CSMD1: variants seen among roughly 807,000 people sequenced by gnomAD.
CSMD1 encodes CUB and Sushi multiple domains 1, also known as CUB and sushi domain-containing protein 1.
In CSMD1, 213 loss-of-function variants were observed where a neutral mutation model predicts 417.5. The ratio of observed to expected loss-of-function variants is 0.51; its 90% CI spans 0.46 to 0.57. The LOEUF is 0.57. Ranked by LOEUF, CSMD1 falls within the 20% of genes least tolerant of loss-of-function variation. The pLI is 0.00. For missense variants in CSMD1, 6,923 were observed against 4,529.7 expected (o/e 1.53, Z -15.17); for synonymous variants, 2,862 against 1,736.8 (o/e 1.65, Z -16.11).
chr8:3,502,771 T>C lies in CSMD1; in HGVS notation c.1345-9045A>G, dbSNP rs61196411. On this transcript the variant is annotated intron_variant, in intron 10 of 69. Transcript: ENST00000635120. ...GGACAGTGAAACTCTCTGTGTGATGTTATAATGGTGGACACTGACTTTATA... is the reference window on the plus strand; with the variant it reads ...GGACAGTGAAACTCTCTGTGTGATGCTATAATGGTGGACACTGACTTTATA... 8.1e-3 allele frequency among the ~76,000 whole-genome samples: 1,228 copies of C among 152,234 alleles called. 22 individuals are homozygous for C. Among genetic ancestry groups the C allele is most frequent in the African/African-American group, 0.028 (1,184 of 41,546 alleles).
intron 4 of CSMD1, among the ~76,000 whole-genome samples, chr8:4,027,358 G>C (rs983849399): frequency 6.6e-6 from 1 of 152,156 alleles, no homozygotes; most frequent in Admixed American, 6.5e-5. Context: ...ATTTCACCTT[G>C]AATTGTAACC....
chr8:4,588,154 A>C (rs573434134), intron 2 of CSMD1, among the ~76,000 whole-genome samples: 1 of 152,134 alleles, frequency 6.6e-6, no homozygotes, highest in African/African-American at 2.4e-5. Flanking sequence ...CTTATTTTAA[A>C]TGGCTAGTAA....
intron 5 of CSMD1, among the ~76,000 whole-genome samples, chr8:3,988,550 A>G (rs1175000823): frequency 6.6e-6 from 1 of 152,224 alleles, no homozygotes; most frequent in Non-Finnish European, 1.5e-5. Flanking sequence ...CTCACTCCAG[A>G]ACTGCTAGAT....
chr8:3,721,794 T>C (rs74838425), intron 6 of CSMD1, among the ~76,000 whole-genome samples: 8,503 of 152,222 alleles, frequency 0.056, 538 homozygotes, highest in African/African-American at 0.16. Flanking sequence ...GAATGGTCAA[T>C]CTTCATCATA....
intron 4 of CSMD1, among the ~76,000 whole-genome samples, chr8:4,010,562 G>A (rs979536895): frequency 1.3e-5 from 2 of 151,804 alleles, no homozygotes; most frequent in Non-Finnish European, 2.9e-5. Context: ...TACCAGTAAG[G>A]CATCAGTTTC....
chr8:4,795,234 G>C (rs995224078), intron 1 of CSMD1, among the ~76,000 whole-genome samples: 1 of 133,038 alleles, frequency 7.5e-6, no homozygotes, highest in African/African-American at 2.8e-5. Flanking sequence ...CACATTTCTA[G>C]GTCTGCTGGT....
At chr8:3,734,282 T>C (rs760529481) in intron 6 of CSMD1, among the ~76,000 whole-genome samples, 1 of 152,232 alleles carries the variant, frequency 6.6e-6, no homozygotes, top group African/African-American at 2.4e-5. Flanking sequence ...AGTGTCTCCC[T>C]AGTGCTTCCA....
chr8:4,821,800 A>G (rs1309893802), intron 1 of CSMD1, among the ~76,000 whole-genome samples: 1 of 152,164 alleles, frequency 6.6e-6, no homozygotes, highest in Non-Finnish European at 1.5e-5. Context: ...GCAATTGGGT[A>G]CGTGTAACTA....
At chr8:3,966,753 A>ACACACG (rs1309300683) in intron 5 of CSMD1, among the ~76,000 whole-genome samples, 2 of 150,490 alleles carry the variant, frequency 1.3e-5, no homozygotes, top group African/African-American at 4.9e-5. Context: ...ACACACACAC[A>ACACACG]CGCGCGCGCG....
At chr8:3,458,831 G>C (rs193254686) in intron 12 of CSMD1, among the ~76,000 whole-genome samples, 2 of 152,218 alleles carry the variant, frequency 1.3e-5, no homozygotes, top group Non-Finnish European at 2.9e-5. Flanking sequence ...GAATAAAATG[G>C]GGCTCTTTCT....
chr8:3,182,076 T>C (rs1821367256), intron 36 of CSMD1, among the ~76,000 whole-genome samples: 1 of 152,168 alleles, frequency 6.6e-6, no homozygotes. Context: ...TGTGTAAAAA[T>C]AACCACAGTG....
chr8:2,991,704 C>T (rs533036953), intron 54 of CSMD1, among the ~76,000 whole-genome samples: 5 of 152,150 alleles, frequency 3.3e-5, no homozygotes, highest in East Asian at 1.9e-4. Flanking sequence ...AGTATTCAAA[C>T]GTTGTGAAAG....
Position 3,167,158 on chromosome 8 carries a change from G to A in CSMD1, c.5726-4881C>T, listed in dbSNP as rs552817312. On this transcript the variant is annotated intron_variant, in intron 37 of 69. Coordinates refer to ENST00000635120, the MANE Select transcript of CSMD1 (RefSeq NM_033225.6). ...AAATTAGCCAGGCGTGGTGGCATGT[G>A]CCTGTAATCGCAGGTACTTGGGAGG... Among the ~76,000 whole-genome samples, 3 of 152,158 alleles carry A rather than the reference G, an allele frequency of 2.0e-5. No individual in the cohort carries two copies. The South Asian group carries it at 6.2e-4, about 32-fold the overall frequency.
chr8:4,815,172 T>A (rs916366236), intron 1 of CSMD1, among the ~76,000 whole-genome samples: 2 of 152,118 alleles, frequency 1.3e-5, no homozygotes, highest in Non-Finnish European at 2.9e-5. Flanking sequence ...AATGAATGTC[T>A]CCAGATCAAT....
chr8:4,937,722 C>G (rs1355242422), intron 1 of CSMD1, among the ~76,000 whole-genome samples: 3 of 152,034 alleles, frequency 2.0e-5, no homozygotes, highest in African/African-American at 7.3e-5. Flanking sequence ...TGACTTTACG[C>G]CTGAGCAGAG....
chr8:4,291,216 AAAAT>A (rs1272254916), intron 3 of CSMD1, among the ~76,000 whole-genome samples: 1 of 152,150 alleles, frequency 6.6e-6, no homozygotes, highest in Non-Finnish European at 1.5e-5. Flanking sequence ...TTTAAAAACA[AAAAT>A]AATATGCTTA....
intron 3 of CSMD1, among the ~76,000 whole-genome samples, chr8:4,341,645 T>G (rs1334934155): frequency 6.6e-6 from 1 of 152,294 alleles, no homozygotes; most frequent in South Asian, 2.1e-4. Flanking sequence ...GGATATGCTC[T>G]TGTGTTCTAA....
At chr8:3,720,838 G>C (rs962253889) in intron 6 of CSMD1, among the ~76,000 whole-genome samples, 1 of 151,802 alleles carries the variant, frequency 6.6e-6, no homozygotes, top group African/African-American at 2.4e-5. Context: ...TTTTTCGAGA[G>C]TCTCGCTCTG....
chr8:3,813,486 A>T (rs757073359), intron 5 of CSMD1, among the ~76,000 whole-genome samples: 1 of 152,118 alleles, frequency 6.6e-6, no homozygotes, highest in Non-Finnish European at 1.5e-5. Flanking sequence ...TTGGACTTTT[A>T]TGTGCATTAA....
Sources: allele counts gnomAD v4.1 joint callset (sites outside exome capture counted in the v4.1 genomes callset), GRCh38; gene constraint gnomAD v4.1.1; transcripts MANE v1.5; gene names NCBI Gene and HGNC (gene_info 2026-07-23, HGNC 2026-07-21).